The following DENND2C variants were observed in gnomAD, a reference collection of about 807,000 sequenced individuals.
The protein encoded by DENND2C is DENN domain containing 2C.
In DENND2C, 72 loss-of-function variants were observed where a neutral mutation model predicts 112.4. That is an observed-to-expected ratio of 0.64 (90% CI 0.53 to 0.78). The LOEUF (loss-of-function observed/expected upper bound fraction) is 0.78, where lower values mean the gene tolerates loss of function less well. Among genes scored for constraint, DENND2C ranks in the 30% least tolerant of loss-of-function variants. The pLI, the probability that DENND2C is intolerant of heterozygous loss-of-function variation, is 0.00. For missense variants in DENND2C, 992 were observed against 1,113.8 expected (o/e 0.89, Z 1.56); for synonymous variants, 329 against 381.6 (o/e 0.86, Z 1.61).
chr1:114,611,778 AACACACACAC>A (rs6143386), intron 8 of DENND2C, among the ~76,000 whole-genome samples: 8,493 of 148,342 alleles, frequency 0.057, 293 homozygotes, highest in Non-Finnish European at 0.084. Flanking sequence ...GAGCACAGGC[AACACACACAC>A]ACACACACAC....
intron 20 of DENND2C, 81 bp from the exon 21 acceptor site, chr1:114,585,712 C>A: frequency 2.1e-6 from 3 of 1,427,604 alleles, no homozygotes; most frequent in Non-Finnish European, 3.0e-6. Context: ...ATTAACAGGT[C>A]AGTCATTCAG....
intron 3 of DENND2C, among the ~76,000 whole-genome samples, chr1:114,630,815 A>T (rs181355354): frequency 6.6e-6 from 1 of 152,252 alleles, no homozygotes; most frequent in East Asian, 1.9e-4. Context: ...ACTATGGGAG[A>T]TTTTTAAGCT....
intron 3 of DENND2C, among the ~76,000 whole-genome samples, chr1:114,642,092 C>T (rs935841127): frequency 1.8e-4 from 27 of 152,152 alleles, no homozygotes; most frequent in Admixed American, 1.6e-3. Flanking sequence ...GCTGGGATTA[C>T]AGGCATATGC....
chr1:114,609,360 T>A (rs1655751289), intron 9 of DENND2C, among the ~76,000 whole-genome samples: 1 of 152,160 alleles, frequency 6.6e-6, no homozygotes, highest in Admixed American at 6.5e-5. Flanking sequence ...AAAATAAAAA[T>A]TTTCCTCACA....
In DENND2C at chr1:114,583,064, AC is replaced by A. The variant is rs1185060613; in HGVS notation, c.*2535del. ...GGATAGCCAGGATCCATCACAGTAA[AC>A]CCTTTTACCCCCATTTTATAAACAT... On this transcript the variant is annotated 3_prime_UTR_variant, in exon 21 of 21. Transcript: ENST00000393274. The A allele has an allele frequency of 3.9e-5, 6 of 152,060 alleles. No individual in the cohort carries two copies. Among genetic ancestry groups the A allele is most frequent in the Non-Finnish European group, 8.8e-5 (6 of 68,020 alleles). 9.4% of individuals were successfully genotyped at this position (152,060 alleles called of 1,614,324 possible).
intron 1 of DENND2C, among the ~76,000 whole-genome samples, chr1:114,655,949 T>C (rs2101693826): frequency 6.6e-6 from 1 of 150,884 alleles, no homozygotes; most frequent in East Asian, 1.9e-4. Context: ...TTTTTCTTCG[T>C]TTCTGTATAC....
intron 1 of DENND2C, among the ~76,000 whole-genome samples, chr1:114,666,753 C>G (rs1199822507): frequency 1.3e-5 from 2 of 152,076 alleles, no homozygotes; most frequent in African/African-American, 2.4e-5. Context: ...ACGCCTGGCC[C>G]TAAATCTTAA....
At chr1:114,592,926 A>G (rs560045937) in intron 18 of DENND2C, among the ~76,000 whole-genome samples, 2 of 152,072 alleles carry the variant, frequency 1.3e-5, no homozygotes, top group East Asian at 3.9e-4. Context: ...GGCATAATTG[A>G]TTACTCTTCT....
chr1:114,592,112 T>A (rs1366988984), intron 18 of DENND2C, among the ~76,000 whole-genome samples: 1 of 152,068 alleles, frequency 6.6e-6, no homozygotes, highest in Non-Finnish European at 1.5e-5. Context: ...CTCAAACTGC[T>A]GACCTCAAGT....
intron 3 of DENND2C, among the ~76,000 whole-genome samples, chr1:114,628,653 T>A (rs11809411): frequency 6.6e-6 from 1 of 152,268 alleles, no homozygotes; most frequent in South Asian, 2.1e-4. Flanking sequence ...ATACCCTTTA[T>A]AATGTGGCTT....
In DENND2C at chr1:114,623,603, G is replaced by A. The variant is rs779519005; in HGVS notation, c.847C>T (p.Arg283Trp). 47 of 1,606,092 alleles carry A rather than the reference G, an allele frequency of 2.9e-5. No individual in the cohort carries two copies. The highest frequency in any genetic ancestry group is 3.3e-4 in the Middle Eastern group (2 of 6,056). ...EFEDIQHFRN[R>W]NSQTIREELG... is the part of the protein sequence containing the mutation. Reference sequence around the variant, plus strand: ...TCTTCACGAATCGTCTGTGAGTTCCGATTTCGAAAGTGCTGAATATCCTCA... The same window carrying A: ...TCTTCACGAATCGTCTGTGAGTTCCAATTTCGAAAGTGCTGAATATCCTCA... The change falls in exon 5 of 21, where the codon CGG becomes TGG. Residue 283 changes from arginine (R) to tryptophan (W), a missense_variant. By Grantham distance (101) the Arg-to-Trp change is moderately radical (BLOSUM62 -3). Coordinates refer to ENST00000393274, the MANE Select transcript of DENND2C (RefSeq NM_001256404.2).
intron 2 of DENND2C, among the ~76,000 whole-genome samples, chr1:114,651,280 C>T (rs1657156508): frequency 6.8e-6 from 1 of 147,936 alleles, no homozygotes; most frequent in Non-Finnish European, 1.5e-5. Flanking sequence ...TACACATACA[C>T]ACACACACAC....
In DENND2C at chr1:114,654,555, T is replaced by C. The variant is rs535170965; in HGVS notation, c.-367A>G. 20 of 152,302 alleles carry C rather than the reference T, an allele frequency of 1.3e-4. No individual in the cohort carries two copies. The highest frequency in any genetic ancestry group is 4.6e-4 in the African/African-American group (19 of 41,570). 9.4% of individuals were successfully genotyped at this position (152,302 alleles called of 1,614,324 possible). On this transcript the variant is annotated 5_prime_UTR_variant, in exon 2 of 21. Transcript: ENST00000393274. ...TTGAACACCCACTTCATACAGAGTA[T>C]TGTGAGAATTAAAACAGCAAGAACA... is the stretch of plus-strand genomic sequence containing the variant.
At chr1:114,615,380 G>A (rs182864321) in intron 8 of DENND2C, among the ~76,000 whole-genome samples, 1 of 152,310 alleles carries the variant, frequency 6.6e-6, no homozygotes, top group East Asian at 1.9e-4. Flanking sequence ...GTTAACCGTT[G>A]ATGATAGAAA....
chr1:114,638,868 AACTTG>A (rs1300938024), intron 3 of DENND2C, among the ~76,000 whole-genome samples: 1 of 152,136 alleles, frequency 6.6e-6, no homozygotes, highest in African/African-American at 2.4e-5. Context: ...ACTATCAATC[AACTTG>A]ACTTAATTGG....
intron 18 of DENND2C, among the ~76,000 whole-genome samples, chr1:114,590,259 A>G (rs1344353692): frequency 6.6e-6 from 1 of 152,126 alleles, no homozygotes; most frequent in Non-Finnish European, 1.5e-5. Context: ...GCGTGGTGGC[A>G]CAGAAGTGTG....
At position 114,649,547 on chromosome 1, in the gene DENND2C, A is replaced by AT. The variant is rs1368118614; in HGVS notation, c.-316-3989dup. Among the ~76,000 whole-genome samples the AT allele has an allele frequency of 3.3e-5, 5 of 151,368 alleles. No individual in the cohort carries two copies. The East Asian group carries it at 5.8e-4, about 18-fold the overall frequency. On this transcript the variant is annotated intron_variant, in intron 2 of 20. Coordinates refer to ENST00000393274, the MANE Select transcript of DENND2C (RefSeq NM_001256404.2). ...TCCCACCACATCTGGCTAATTTTTA[A>AT]TTTTTTTTTAAATAGAGACAGGGTC...
At chr1:114,638,132 G>T (rs1454581738) in intron 3 of DENND2C, among the ~76,000 whole-genome samples, 1 of 152,062 alleles carries the variant, frequency 6.6e-6, no homozygotes, top group Non-Finnish European at 1.5e-5. Flanking sequence ...GTCCAGAAAT[G>T]AACCCACATA....
intron 3 of DENND2C, among the ~76,000 whole-genome samples, chr1:114,645,209 T>C (rs1351918208): frequency 2.6e-5 from 4 of 152,148 alleles, no homozygotes; most frequent in African/African-American, 9.7e-5. Flanking sequence ...CCCTGAAAAT[T>C]CATATGTTGA....
Sources: allele counts gnomAD v4.1 joint callset (sites outside exome capture counted in the v4.1 genomes callset), GRCh38; gene constraint gnomAD v4.1.1; transcripts MANE v1.5; gene names NCBI Gene and HGNC (gene_info 2026-07-23, HGNC 2026-07-21).